The following MFAP3L variants were observed in gnomAD, a reference collection of about 807,000 sequenced individuals.
MFAP3L encodes microfibrillar-associated protein 3-like.
Under a neutral mutation model 20.0 loss-of-function variants are expected in MFAP3L, and 5 were observed. The ratio of observed to expected loss-of-function variants is 0.25; its 90% CI spans 0.13 to 0.53. The LOEUF (loss-of-function observed/expected upper bound fraction) is 0.53, where lower values mean the gene tolerates loss of function less well. Ranked by LOEUF, MFAP3L falls within the 20% of genes least tolerant of loss-of-function variation. The probability of loss-of-function intolerance (pLI) is 0.96; values close to 1 mark genes in which losing one functional copy is unlikely to be tolerated. For missense variants in MFAP3L, 409 were observed against 527.5 expected (o/e 0.78, Z 2.20); for synonymous variants, 219 against 213.0 (o/e 1.03, Z -0.25).
rs914484135 is a variant in MFAP3L at position 170,005,987 on chromosome 4, T to C, written c.-110A>G. 21 of 1,459,068 alleles carry C rather than the reference T, an allele frequency of 1.4e-5. No individual in the cohort carries two copies. Among genetic ancestry groups the C allele is most frequent in the East Asian group, 9.9e-5 (4 of 40,420 alleles). 90.4% of individuals were successfully genotyped at this position (1,459,068 alleles called of 1,614,324 possible). On this transcript the variant is annotated 5_prime_UTR_variant, in exon 2 of 3. The change abolishes an upstream ATG in the 5' untranslated region. Transcript: ENST00000361618. ...ATGGGACAAACCTGTCCTGGGTCCA[T>C]AGAGTTGGTACTTGAGCAAGAACCT...
intron 2 of MFAP3L, chr4:170,004,908 T>C (rs1286737100): frequency 2.0e-5 from 3 of 152,374 alleles, no homozygotes; most frequent in African/African-American, 7.2e-5. Flanking sequence ...ACTTCTCGCA[T>C]CTAAAACAAG....
At position 169,992,118 on chromosome 4, in the gene MFAP3L, C is replaced by T. The variant is rs146135699; in HGVS notation, c.490G>A (p.Val164Ile). Residue 164 changes from valine (V) to isoleucine (I), a missense_variant, in exon 3 of 3, where the codon GTC (valine) becomes ATC (isoleucine). Physicochemically the swap from Val to Ile is conservative, Grantham distance 29 (BLOSUM62 3). This residue lies in a region of MFAP3L where 127 missense variants were observed against 218.1 expected (regional missense o/e 0.58). Coordinates refer to ENST00000361618, the MANE Select transcript of MFAP3L (RefSeq NM_021647.8). This position sits in a 1 kb window ranked among gnomAD's most constrained non-coding sequence, Gnocchi z 4.3. ...MVVCLVAFTIVMVLNITRLCM... is the reference protein window; with the variant it reads ...MVVCLVAFTIIMVLNITRLCM... ...AGGCGGGTGATATTGAGGACCATGA[C>T]GATGGTGAAGGCCACCAGGCACACG... 12 of 1,613,984 alleles carry T rather than the reference C, an allele frequency of 7.4e-6. No homozygotes were observed. Among genetic ancestry groups the T allele is most frequent in the Admixed American group, 1.7e-5 (1 of 60,000 alleles).
chr4:170,015,101 C>T (rs140984266), intron 1 of MFAP3L, among the ~76,000 whole-genome samples: 2 of 152,108 alleles, frequency 1.3e-5, no homozygotes, highest in Non-Finnish European at 2.9e-5. Flanking sequence ...GGGTTGGGCT[C>T]TGAGGTTAAG....
At chr4:170,026,005 C>T (rs1033598318) in intron 1 of MFAP3L, among the ~76,000 whole-genome samples, 6 of 152,102 alleles carry the variant, frequency 3.9e-5, no homozygotes, top group African/African-American at 1.4e-4. Context: ...ATGCGGCAGT[C>T]CCCAAACGGC....
intron 1 of MFAP3L, among the ~76,000 whole-genome samples, chr4:170,021,197 T>C (rs995989436): frequency 6.6e-6 from 1 of 152,208 alleles, no homozygotes; most frequent in Non-Finnish European, 1.5e-5. Context: ...CCCTCTGCAC[T>C]TCTGTAGAGC....
In MFAP3L at chr4:169,994,180, T is replaced by TA. The variant is rs1442638485; in HGVS notation, c.299-1872dup. 1.2e-5 allele frequency: 12 copies of TA among 985,218 alleles called. No individual in the cohort carries two copies. In the Admixed American group the frequency reaches 6.8e-4, roughly 56 times the overall value. The allele number at this position is 985,218 out of a possible 1,614,324, so 61.0% of individuals were successfully genotyped here. On this transcript the variant is annotated intron_variant, in intron 2 of 2. Transcript: ENST00000361618. Reference sequence around the variant, plus strand: ...TCTAGAGACTTACAGGCTATGCTTGTAGTTTCTCATATTTACCTTCCTTTT... The same window carrying TA: ...TCTAGAGACTTACAGGCTATGCTTGTAAGTTTCTCATATTTACCTTCCTTTT...
chr4:170,002,485 A>T (rs1373624083), intron 2 of MFAP3L, among the ~76,000 whole-genome samples: 1 of 152,054 alleles, frequency 6.6e-6, no homozygotes, highest in South Asian at 2.1e-4. Context: ...TACCTAGGTA[A>T]GGTTCTAGGA....
rs543273939 is a variant in MFAP3L, at chr4:169,998,521, C to T, written c.299-6212G>A. On this transcript the variant is annotated intron_variant, in intron 2 of 2. Coordinates refer to ENST00000361618, the MANE Select transcript of MFAP3L (RefSeq NM_021647.8). The stretch of plus-strand genomic sequence containing the variant: ...CTCCAAACACCACTTCTACTGAAAC[C>T]TTAAATCTTTCCAGGTTTACCTTAG... 9.2e-5 allele frequency among the ~76,000 whole-genome samples: 14 copies of T among 152,270 alleles called. 1 individual carries two copies. In the East Asian group the frequency reaches 2.7e-3, roughly 29 times the overall value.
rs970177956 is a variant in MFAP3L at position 170,016,776 on chromosome 4, G to A, written c.-134+9458C>T. On this transcript the variant is annotated intron_variant, in intron 1 of 2. Transcript: ENST00000361618. ...TTGGTACAAATTCATTTCTTAGACA[G>A]TTCTGGAAAATGTCTGTTCTTTAAC... Among the ~76,000 whole-genome samples, 2 of 152,138 alleles carry A rather than the reference G, an allele frequency of 1.3e-5. 1 individual carries two copies. Among genetic ancestry groups the A allele is most frequent in the South Asian group, 4.1e-4 (2 of 4,828 alleles).
chr4:170,012,401 G>A (rs1739439144), intron 1 of MFAP3L, among the ~76,000 whole-genome samples: 1 of 152,212 alleles, frequency 6.6e-6, no homozygotes, highest in Admixed American at 6.5e-5. Flanking sequence ...GGCACTGTCA[G>A]TAGAATACAC....
In MFAP3L at chr4:169,991,603, A is replaced by G. The variant is rs772494773; in HGVS notation, c.1005T>C (p.Gly335=). ...SKKEHADDQE[G]GQFEVKDVEE... is the part of the protein sequence containing the mutation. ...CTACATCTTTGACTTCAAACTGTCC[A>G]CCCTCTTGGTCATCTGCATGCTCTT... is the stretch of plus-strand genomic sequence containing the variant. Residue 335 remains glycine, a synonymous_variant, in exon 3 of 3, where the codon GGT becomes GGC. Transcript: ENST00000361618. This position sits in a 1 kb window ranked among gnomAD's most constrained non-coding sequence, Gnocchi z 4.9. 5 of 1,614,022 alleles carry G rather than the reference A, an allele frequency of 3.1e-6. No individual in the cohort carries two copies. Among genetic ancestry groups the G allele is most frequent in the Non-Finnish European group, 4.2e-6 (5 of 1,180,010 alleles).
intron 2 of MFAP3L, among the ~76,000 whole-genome samples, chr4:169,993,271 C>A (rs114283916): frequency 6.6e-6 from 1 of 152,156 alleles, no homozygotes; most frequent in Non-Finnish European, 1.5e-5. Context: ...CTACTACCTC[C>A]CTGGACTGTC....
chr4:170,020,588 C>T (rs985281570), intron 1 of MFAP3L, among the ~76,000 whole-genome samples: 10 of 148,806 alleles, frequency 6.7e-5, no homozygotes, highest in African/African-American at 1.7e-4. Flanking sequence ...CTCCCATCCA[C>T]CTCCCTGACT....
intron 2 of MFAP3L, among the ~76,000 whole-genome samples, chr4:170,000,519 A>AT (rs374964984): frequency 3.2e-4 from 49 of 152,340 alleles, no homozygotes; most frequent in African/African-American, 1.2e-3. Context: ...TCTGCTAAGC[A>AT]TTTAAGACTC....
chr4:170,002,039 A>G, intron 2 of MFAP3L: 1 of 985,458 alleles, frequency 1.0e-6, no homozygotes, highest in Non-Finnish European at 1.2e-6. Flanking sequence ...GTGCTCCTTG[A>G]GTGACTCACC....
chr4:170,003,702 C>A, intron 2 of MFAP3L: 1 of 985,442 alleles, frequency 1.0e-6, no homozygotes, highest in South Asian at 4.7e-5. Context: ...AAAGGGAGAT[C>A]CAGGTCTTGG....
In MFAP3L at chr4:169,992,604, T is replaced by C. The variant is rs958871545; in HGVS notation, c.299-295A>G. Among the ~76,000 whole-genome samples the C allele has an allele frequency of 3.9e-5, 6 of 152,208 alleles. No individual in the cohort carries two copies. Among genetic ancestry groups the C allele is most frequent in the African/African-American group, 1.4e-4 (6 of 41,458 alleles). On this transcript the variant is annotated intron_variant, in intron 2 of 2. Coordinates refer to ENST00000361618, the MANE Select transcript of MFAP3L (RefSeq NM_021647.8). The surrounding 1 kb of genome is among the most constrained non-coding windows in gnomAD (Gnocchi z 4.3). ...GGCACCGGCTTGGAAGCCGTAGAACTGAAGATGAACTTGAGTTCCAGAGGC... is the reference window on the plus strand; with the variant it reads ...GGCACCGGCTTGGAAGCCGTAGAACCGAAGATGAACTTGAGTTCCAGAGGC...
rs1007623984 is a variant in MFAP3L at position 169,986,677 on chromosome 4, T to A, written c.*4701A>T. ...TCACATGGTTTTCTGTTTTTGCTAC[T>A]GTAATACCAACTTATATGAGTAACT... On this transcript the variant is annotated 3_prime_UTR_variant, in exon 3 of 3. Transcript: ENST00000361618. 10 of 152,236 alleles carry A rather than the reference T, an allele frequency of 6.6e-5. No individual in the cohort carries two copies. Among genetic ancestry groups the A allele is most frequent in the South Asian group, 2.1e-4 (1 of 4,838 alleles). The allele number at this position is 152,236 out of a possible 1,614,324, so 9.4% of individuals were successfully genotyped here.
At chr4:170,024,073 A>G (rs1337064477) in intron 1 of MFAP3L, among the ~76,000 whole-genome samples, 3 of 152,188 alleles carry the variant, frequency 2.0e-5, no homozygotes, top group African/African-American at 7.2e-5. Context: ...TTAACTACAA[A>G]AGAGAAGAAA....
Sources: allele counts gnomAD v4.1 joint callset (sites outside exome capture counted in the v4.1 genomes callset), GRCh38; gene constraint gnomAD v4.1.1; regional missense constraint gnomAD v4.1.1; non-coding constraint Gnocchi (gnomAD v3.1); transcripts MANE v1.5; gene names NCBI Gene and HGNC (gene_info 2026-07-23, HGNC 2026-07-21).